The following ATP8A2 variants were observed in gnomAD, a reference collection of about 807,000 sequenced individuals.
ATP8A2 encodes phospholipid-transporting ATPase IB.
A neutral mutation model predicts 165.6 loss-of-function variants in ATP8A2; 100 were observed. That is an observed-to-expected ratio of 0.60 (90% CI 0.51 to 0.71). The LOEUF (loss-of-function observed/expected upper bound fraction) is 0.71, where lower values mean the gene tolerates loss of function less well. Among genes scored for constraint, ATP8A2 ranks in the 30% least tolerant of loss-of-function variants. ATP8A2 has a pLI of 0.00. For missense variants in ATP8A2, 1,227 were observed against 1,479.5 expected (o/e 0.83, Z 2.80); for synonymous variants, 543 against 548.8 (o/e 0.99, Z 0.15).
chr13:25,679,880 A>G (rs1192106096), intron 24 of ATP8A2, among the ~76,000 whole-genome samples: 1 of 152,124 alleles, frequency 6.6e-6, no homozygotes, highest in South Asian at 2.1e-4. Flanking sequence ...ATTAGGAAAA[A>G]TAGGAGGTCA....
chr13:25,435,184 G>A (rs12867831), intron 1 of ATP8A2, among the ~76,000 whole-genome samples: 35 of 150,468 alleles, frequency 2.3e-4, no homozygotes, highest in Non-Finnish European at 3.5e-4. Flanking sequence ...GCAGTGGCGC[G>A]ATCTCGGCTC....
intron 24 of ATP8A2, among the ~76,000 whole-genome samples, chr13:25,694,914 C>G (rs902348513): frequency 6.6e-6 from 1 of 152,076 alleles, no homozygotes; most frequent in African/African-American, 2.4e-5. Context: ...AACTCCTGGC[C>G]TCAGGTGATC....
At chr13:25,888,209 C>T (rs1283384817) in intron 33 of ATP8A2, among the ~76,000 whole-genome samples, 1 of 152,012 alleles carries the variant, frequency 6.6e-6, no homozygotes, top group Non-Finnish European at 1.5e-5. Context: ...ATAATTCAAT[C>T]TTGTTTTCAC....
At chr13:25,975,904 A>T (rs542861768) in intron 35 of ATP8A2, among the ~76,000 whole-genome samples, 1 of 152,270 alleles carries the variant, frequency 6.6e-6, no homozygotes, top group South Asian at 2.1e-4. Context: ...ATCACATCTA[A>T]CAAGTTAATA....
intron 33 of ATP8A2, among the ~76,000 whole-genome samples, chr13:25,885,640 C>T (rs1953126004): frequency 6.6e-6 from 1 of 152,156 alleles, no homozygotes; most frequent in Non-Finnish European, 1.5e-5. Context: ...TTGCAGTGTC[C>T]TGCTGTTTTT....
At chr13:25,715,301 T>C (rs563383399) in intron 25 of ATP8A2, among the ~76,000 whole-genome samples, 1 of 152,340 alleles carries the variant, frequency 6.6e-6, no homozygotes, top group East Asian at 1.9e-4. Flanking sequence ...AGCAAAGGAA[T>C]GATGTGGTCA....
In ATP8A2 at chr13:25,860,210, G is replaced by A; in HGVS notation, c.2972G>A (p.Ser991Asn). 1.2e-6 allele frequency: 2 copies of A among 1,611,914 alleles called. No homozygotes were observed. Among genetic ancestry groups the A allele is most frequent in the Non-Finnish European group, 8.5e-7 (1 of 1,178,310 alleles). Residue 991 changes from serine to asparagine, a missense_variant, in exon 31 of 37, where the codon AGT becomes AAT. This residue lies in a region of ATP8A2 where 260 missense variants were observed against 245.1 expected (regional missense o/e 1.06). Transcript: ENST00000381655. Reference protein sequence around the residue: ...KALEHDTVLTSGHATDYLFVG... With the variant: ...KALEHDTVLTNGHATDYLFVG... ...TGTTTTTCAGATACTGTGTTGACAA[G>A]TGGTCATGCTACCGACTATTTATTT...
Position 25,450,533 on chromosome 13 carries a change from T to A in ATP8A2, c.77-18444T>A, listed in dbSNP as rs1036302185. Among the ~76,000 whole-genome samples, 7 of 151,794 alleles carry A rather than the reference T, an allele frequency of 4.6e-5. No homozygotes were observed. In the East Asian group the frequency reaches 7.7e-4, roughly 17 times the overall value. ...AGAGCCATTCTGACTGGTCTTTGTG[T>A]GTGTGTGTGTGTGTGTGAGACGGAG... On this transcript the variant is annotated intron_variant, in intron 1 of 36. Coordinates refer to ENST00000381655, the MANE Select transcript of ATP8A2 (RefSeq NM_016529.6).
chr13:25,666,158 T>C (rs1420836212), intron 24 of ATP8A2, among the ~76,000 whole-genome samples: 1 of 151,944 alleles, frequency 6.6e-6, no homozygotes, highest in African/African-American at 2.4e-5. Flanking sequence ...ACATTTTAAT[T>C]ATTGAATCTT....
intron 1 of ATP8A2, among the ~76,000 whole-genome samples, chr13:25,437,274 A>G (rs992824842): frequency 3.9e-5 from 6 of 152,288 alleles, no homozygotes; most frequent in African/African-American, 1.4e-4. Flanking sequence ...GGAATACTTC[A>G]TCTTAGCACC....
chr13:25,908,230 A>G (rs1954002683), intron 33 of ATP8A2, among the ~76,000 whole-genome samples: 1 of 152,096 alleles, frequency 6.6e-6, no homozygotes. Flanking sequence ...TTTCTAATGC[A>G]GTGGTGTCAG....
chr13:25,410,995 G>T (rs2033948887), intron 1 of ATP8A2, among the ~76,000 whole-genome samples: 2 of 152,058 alleles, frequency 1.3e-5, no homozygotes, highest in Admixed American at 1.3e-4. Flanking sequence ...TAACATCTCT[G>T]TTCCCCTACT....
chr13:25,691,622 A>C (rs2042727513), intron 24 of ATP8A2, among the ~76,000 whole-genome samples: 1 of 152,232 alleles, frequency 6.6e-6, no homozygotes, highest in Admixed American at 6.5e-5. Context: ...ATGTTTGCTT[A>C]ATGCCTGTGA....
chr13:25,383,882 G>A (rs1272844110), intron 1 of ATP8A2, among the ~76,000 whole-genome samples: 2 of 152,140 alleles, frequency 1.3e-5, no homozygotes, highest in Admixed American at 6.5e-5. Context: ...ACAGTCATCT[G>A]AGTTGGTTCC....
At chr13:25,527,760 G>A (rs2037887583) in intron 2 of ATP8A2, among the ~76,000 whole-genome samples, 2 of 151,990 alleles carry the variant, frequency 1.3e-5, no homozygotes, top group African/African-American at 4.8e-5. Context: ...CCATCTTCAT[G>A]GTTCTCAGGG....
chr13:26,011,446 C>T (rs187775648), intron 35 of ATP8A2, among the ~76,000 whole-genome samples: 1 of 152,264 alleles, frequency 6.6e-6, no homozygotes, highest in Admixed American at 6.5e-5. Context: ...TTTCCAAATA[C>T]AGTCCCATTC....
intron 35 of ATP8A2, among the ~76,000 whole-genome samples, chr13:25,977,442 G>A (rs543070850): frequency 6.6e-6 from 1 of 152,160 alleles, no homozygotes; most frequent in East Asian, 1.9e-4. Flanking sequence ...TTACCGAAAG[G>A]CTGCCCGCAT....
chr13:25,551,278 C>T, intron 10 of ATP8A2, 60 bp from the exon 11 acceptor site: 2 of 1,515,654 alleles, frequency 1.3e-6, no homozygotes, highest in Non-Finnish European at 1.8e-6. Flanking sequence ...CTCCTTTCCC[C>T]CAACCCCTTG....
chr13:25,774,683 C>T (rs2044701312), intron 26 of ATP8A2, among the ~76,000 whole-genome samples, 166 bp from the exon 27 acceptor site: 1 of 152,178 alleles, frequency 6.6e-6, no homozygotes, highest in African/African-American at 2.4e-5. Flanking sequence ...TACTTGTTCT[C>T]ACTGGGCCTG....
Sources: allele counts gnomAD v4.1 joint callset (sites outside exome capture counted in the v4.1 genomes callset), GRCh38; gene constraint gnomAD v4.1.1; regional missense constraint gnomAD v4.1.1; transcripts MANE v1.5; gene names NCBI Gene and HGNC (gene_info 2026-07-23, HGNC 2026-07-21).